Variants in SYPL2 observed in about 807,000 individuals in gnomAD.
SYPL2 encodes the protein synaptophysin like 2, also known as synaptophysin-like protein 2.
SYPL2 carries 24 observed loss-of-function variants against 31.3 expected under a neutral mutation model. That is an observed-to-expected ratio of 0.77 (90% CI 0.56 to 1.08). The LOEUF (loss-of-function observed/expected upper bound fraction) is 1.08, where lower values mean the gene tolerates loss of function less well. SYPL2 is among the 50% of genes least tolerant of loss of function. The pLI, the probability that SYPL2 is intolerant of heterozygous loss-of-function variation, is 0.00. For missense variants in SYPL2, 342 were observed against 360.1 expected (o/e 0.95, Z 0.41); for synonymous variants, 144 against 143.1 (o/e 1.01, Z -0.05).
intron 2 of SYPL2, among the ~76,000 whole-genome samples, chr1:109,474,251 C>A (rs1655924337): frequency 6.6e-6 from 1 of 151,874 alleles, no homozygotes; most frequent in Admixed American, 6.5e-5. Context: ...GAAATCCAAT[C>A]TGAGCAGATG....
rs1656006873 is a variant in SYPL2, at chr1:109,476,714, C to T, written c.255-62C>T. 1.9e-6 allele frequency: 3 copies of T among 1,542,766 alleles called. No individual in the cohort carries two copies. The South Asian group carries it at 3.4e-5, about 18-fold the overall frequency. ...CCTGCTGAGAACTAGCACAGGACTACTTCTGGGCCAGGGAGAGAGAGGATT... is the reference window on the plus strand; with the variant it reads ...CCTGCTGAGAACTAGCACAGGACTATTTCTGGGCCAGGGAGAGAGAGGATT... On this transcript the variant is annotated intron_variant, in intron 3 of 5. Transcript: ENST00000369872.
intron 2 of SYPL2, among the ~76,000 whole-genome samples, chr1:109,471,416 C>T (rs768320881): frequency 1.4e-4 from 21 of 152,064 alleles, no homozygotes; most frequent in South Asian, 4.2e-4. Context: ...CTGAGGAATC[C>T]GAAAGCATGA....
At chr1:109,474,762 A>C (rs1655947409) in intron 2 of SYPL2, among the ~76,000 whole-genome samples, 1 of 152,238 alleles carries the variant, frequency 6.6e-6, no homozygotes, top group South Asian at 2.1e-4. Context: ...GGTGGAGAAG[A>C]AAACAATTCG....
At chr1:109,475,477 C>T in intron 2 of SYPL2, 104 bp from the exon 3 acceptor site, 1 of 1,454,838 alleles carries the variant, frequency 6.9e-7, no homozygotes, top group Non-Finnish European at 9.2e-7. Context: ...TCACTCTCCC[C>T]CACTCCCGCA....
At position 109,481,009 on chromosome 1, in the gene SYPL2, C is replaced by T. The variant is rs1235137499; in HGVS notation, c.*1461C>T. The stretch of plus-strand genomic sequence containing the variant: ...ATCCGACCACTTTCCAATCCAGTGC[C>T]AATTGGCCCACTAAGCATCCTAAAG... On this transcript the variant is annotated 3_prime_UTR_variant, in exon 6 of 6. Coordinates refer to ENST00000369872, the MANE Select transcript of SYPL2 (RefSeq NM_001040709.2). The T allele has an allele frequency of 6.5e-6, 1 of 152,688 alleles. No individual in the cohort carries two copies. The highest frequency in any genetic ancestry group is 1.5e-5 in the Non-Finnish European group (1 of 68,102). 9.5% of individuals were successfully genotyped at this position (152,688 alleles called of 1,614,324 possible).
chr1:109,475,468 C>A, intron 2 of SYPL2, 113 bp from the exon 3 acceptor site: 2 of 1,388,798 alleles, frequency 1.4e-6, no homozygotes, highest in Non-Finnish European at 1.9e-6. Context: ...AGGGGATCCT[C>A]ACTCTCCCCC....
Position 109,466,774 on chromosome 1 carries a change from C to T in SYPL2, c.-70C>T. ...CCCGGACCTGCAGCTCCCCGCTCCC[C>T]CGCCGTGTCCGCCGCCTCCCGGCCA... On this transcript the variant is annotated 5_prime_UTR_variant, in exon 1 of 6. Coordinates refer to ENST00000369872, the MANE Select transcript of SYPL2 (RefSeq NM_001040709.2). The T allele has an allele frequency of 6.9e-7, 1 of 1,446,040 alleles. No homozygotes were observed. Among genetic ancestry groups the T allele is most frequent in the African/African-American group, 1.5e-5 (1 of 67,224 alleles). The allele number at this position is 1,446,040 out of a possible 1,614,324, so 89.6% of individuals were successfully genotyped here. A position where few individuals can be genotyped will look rare whatever the true frequency, so the allele number is the denominator to read the frequency against.
At chr1:109,475,425 C>T in intron 2 of SYPL2, 156 bp from the exon 3 acceptor site, 2 of 1,008,092 alleles carry the variant, frequency 2.0e-6, no homozygotes. Flanking sequence ...TAAATGGAAG[C>T]CATGGGTTTC....
At position 109,466,649 on chromosome 1, in the gene SYPL2, A is replaced by G. The variant is rs1655644698; in HGVS notation, c.-195A>G. On this transcript the variant is annotated 5_prime_UTR_variant, in exon 1 of 6. Coordinates refer to ENST00000369872, the MANE Select transcript of SYPL2 (RefSeq NM_001040709.2). ...CGCGGCGGCCGCAGCCTCTGAGAGC[A>G]CGAACAGCAGCGCCCCCGCGTCCCA... The G allele has an allele frequency of 2.1e-6, 1 of 475,270 alleles. No individual in the cohort carries two copies. Among genetic ancestry groups the G allele is most frequent in the Non-Finnish European group, 3.5e-6 (1 of 289,164 alleles). The allele number at this position is 475,270 out of a possible 1,614,324, so 29.4% of individuals were successfully genotyped here.
rs998795780 is a variant in SYPL2 at position 109,478,870 on chromosome 1, A to C, written c.649-508A>C. ...GTCTTGTTTTTAGTGCATTTCAAAG[A>C]TAATTTGGGACATCAGTACACTTCC... On this transcript the variant is annotated intron_variant, in intron 5 of 5. Transcript: ENST00000369872. This position sits in a 1 kb window ranked among gnomAD's most constrained non-coding sequence, Gnocchi z 4.0. Among the ~76,000 whole-genome samples the C allele has an allele frequency of 1.2e-4, 18 of 152,226 alleles. No individual in the cohort carries two copies. The highest frequency in any genetic ancestry group is 2.1e-4 in the Non-Finnish European group (14 of 68,042).
intron 2 of SYPL2, among the ~76,000 whole-genome samples, chr1:109,471,033 G>A (rs984561357): frequency 1.3e-5 from 2 of 152,214 alleles, no homozygotes; most frequent in African/African-American, 4.8e-5. Flanking sequence ...TGCTCAATCA[G>A]TGTTGAGTTA....
intron 2 of SYPL2, among the ~76,000 whole-genome samples, chr1:109,469,449 T>C (rs952791803): frequency 1.3e-5 from 2 of 151,638 alleles, no homozygotes; most frequent in Admixed American, 6.6e-5. Context: ...TATACTAAGC[T>C]AGCAAAAATA....
intron 2 of SYPL2, among the ~76,000 whole-genome samples, chr1:109,469,431 A>C (rs1427149649): frequency 6.6e-6 from 1 of 151,762 alleles, no homozygotes; most frequent in East Asian, 1.9e-4. Context: ...CTGGAGTCTC[A>C]CTAAGTCTAT....
Position 109,466,702 on chromosome 1 carries a change from G to A in SYPL2, c.-142G>A, listed in dbSNP as rs926408339. 5 of 848,888 alleles carry A rather than the reference G, an allele frequency of 5.9e-6. No individual in the cohort carries two copies. Among genetic ancestry groups the A allele is most frequent in the Non-Finnish European group, 8.1e-6 (5 of 620,458 alleles). The allele number at this position is 848,888 out of a possible 1,614,324, so 52.6% of individuals were successfully genotyped here. A position where few individuals can be genotyped will look rare whatever the true frequency, so the allele number is the denominator to read the frequency against. On this transcript the variant is annotated 5_prime_UTR_variant, in exon 1 of 6. Transcript: ENST00000369872. ...CAGCCAGCCAGCCAGACTGGACTCC[G>A]GCCCACCGACGGCCGCTCGCGCTCC...
intron 2 of SYPL2, 22 bp downstream of exon 2, chr1:109,467,155 G>A: frequency 1.3e-6 from 2 of 1,533,004 alleles, no homozygotes; most frequent in South Asian, 1.2e-5. Flanking sequence ...CCCCGGCCCC[G>A]GGCTATTTCG....
At chr1:109,477,748 C>G in intron 4 of SYPL2, 70 bp from the exon 5 acceptor site, 3 of 1,537,956 alleles carry the variant, frequency 2.0e-6, no homozygotes, top group Admixed American at 2.0e-5. Flanking sequence ...AGTATCATGG[C>G]AAGTGGAAAA....
At position 109,467,099 on chromosome 1, in the gene SYPL2, AG is replaced by A. The variant is rs1300413559; in HGVS notation, c.97del (p.Glu33SerfsTer41). ...GTGGGGCTGCGCTGGCGGCGGCTGG[AG>A]GAGCCGCTGGGCTTCATCAAAGTTC... Reference protein sequence around the residue: ...LLVGLRWRRLEEPLGFIKVLQ... With the variant: ...LLVGLRWRRLXEPLGFIKVLQ... On this transcript the variant is annotated frameshift_variant, in exon 2 of 6. Transcript: ENST00000369872. LOFTEE classifies it high-confidence loss of function. 1.9e-6 allele frequency: 3 copies of A among 1,544,764 alleles called. No homozygotes were observed. The highest frequency in any genetic ancestry group is 2.6e-6 in the Non-Finnish European group (3 of 1,145,950).
intron 2 of SYPL2, among the ~76,000 whole-genome samples, chr1:109,469,747 T>C (rs1270880428): frequency 7.2e-6 from 1 of 138,822 alleles, no homozygotes; most frequent in Non-Finnish European, 1.5e-5. Flanking sequence ...AGGCTGAGGC[T>C]GGAGGATCAT....
intron 3 of SYPL2, 53 bp downstream of exon 3, chr1:109,475,758 G>A: frequency 6.3e-7 from 1 of 1,582,682 alleles, no homozygotes; most frequent in Non-Finnish European, 8.6e-7. Context: ...TGACTGGCAG[G>A]ACCTGCTTGG....
Sources: gnomAD v4.1 joint callset for allele counts (sites outside exome capture counted in the v4.1 genomes callset) on GRCh38, gnomAD v4.1.1 for gene constraint, Gnocchi (gnomAD v3.1) non-coding constraint, MANE v1.5 for transcripts, NCBI Gene and HGNC (gene_info 2026-07-23, HGNC 2026-07-21) for gene names.